Variants in AOX1 observed in about 807,000 individuals in gnomAD.
AOX1 encodes aldehyde oxidase 1.
A neutral mutation model predicts 169.5 loss-of-function variants in AOX1; 153 were observed. The observed-to-expected ratio is 0.90, with a 90% CI of 0.79 to 1.03. AOX1 has a LOEUF of 1.03. Among genes scored for constraint, AOX1 ranks in the 50% least tolerant of loss-of-function variants. The pLI is 0.00. For missense variants in AOX1, 1,656 were observed against 1,663.9 expected (o/e 1.00, Z 0.08); for synonymous variants, 562 against 581.9 (o/e 0.97, Z 0.49).
chr2:200,666,536 C>T, intron 31 of AOX1, 151 bp from the exon 32 acceptor site: 1 of 462,234 alleles, frequency 2.2e-6, no homozygotes, highest in South Asian at 5.4e-5. Context: ...TAAACTTTGT[C>T]CTATAATAAA....
intron 21 of AOX1, among the ~76,000 whole-genome samples, chr2:200,636,708 A>G (rs17533238): frequency 0.12 from 18,607 of 152,268 alleles, 1,284 homozygotes; most frequent in Non-Finnish European, 0.16. Flanking sequence ...GTTGTTGGAC[A>G]TTATCCCATT....
intron 25 of AOX1, among the ~76,000 whole-genome samples, chr2:200,648,955 T>A (rs2035522468): frequency 1.3e-5 from 2 of 152,172 alleles, no homozygotes; most frequent in South Asian, 2.1e-4. Flanking sequence ...CCAACAGCCC[T>A]GAGTTTGTTT....
chr2:200,634,883 T>C lies in AOX1; in HGVS notation c.2314T>C (p.Tyr772His), dbSNP rs927124468. 2 of 1,613,964 alleles carry C rather than the reference T, an allele frequency of 1.2e-6. No homozygotes were observed. The highest frequency in any genetic ancestry group is 2.7e-5 in the African/African-American group (2 of 74,924). The change falls in exon 21 of 35, where the codon TAC becomes CAC. Residue 772 changes from tyrosine (Y) to histidine (H), a missense_variant. Physicochemically the swap from Tyr to His is moderately conservative, Grantham distance 83. Coordinates refer to ENST00000374700, the MANE Select transcript of AOX1 (RefSeq NM_001159.4). The stretch of plus-strand genomic sequence containing the variant: ...GGGAGAGGATCAAGAAATGGATGTC[T>C]ACGTGTCCACACAGTTTCCCAAATA... Reference protein sequence around the residue: ...PKGEDQEMDVYVSTQFPKYIQ... With the variant: ...PKGEDQEMDVHVSTQFPKYIQ...
chr2:200,656,068 C>G (rs897772273), intron 26 of AOX1, among the ~76,000 whole-genome samples: 12 of 152,180 alleles, frequency 7.9e-5, no homozygotes, highest in Admixed American at 2.6e-4. Flanking sequence ...TGACCCAGAC[C>G]ACACCCATGC....
chr2:200,679,662 C>CCCG (rs1174093809), downstream of AOX1, among the ~76,000 whole-genome samples: 1 of 152,096 alleles, frequency 6.6e-6, no homozygotes, highest in African/African-American at 2.4e-5. Flanking sequence ...TGACGCCCCC[C>CCCG]CCCGAGTCTG....
At chr2:200,608,041 A>G (rs2034551491) in intron 10 of AOX1, among the ~76,000 whole-genome samples, 2 of 151,902 alleles carry the variant, frequency 1.3e-5, no homozygotes, top group African/African-American at 4.8e-5. Flanking sequence ...CCTAGATGAC[A>G]GGTTGATAGG....
chr2:200,651,963 A>C (rs2035588778), intron 26 of AOX1, among the ~76,000 whole-genome samples: 1 of 152,186 alleles, frequency 6.6e-6, no homozygotes, highest in Non-Finnish European at 1.5e-5. Context: ...ATCCATGTAC[A>C]TACAGATAAG....
intron 1 of AOX1, among the ~76,000 whole-genome samples, chr2:200,591,393 G>A (rs2034169048): frequency 6.6e-6 from 1 of 152,212 alleles, no homozygotes. Flanking sequence ...GAACACTTGA[G>A]CAGGGTGGTG....
Position 200,621,200 on chromosome 2 carries a change from C to G in AOX1, c.1955C>G (p.Ser652Cys). ...MTAEHLSDVN[S>C]FCFFTEAEKF... ...GCAGAACATCTTAGTGACGTCAACT[C>G]CTTCTGCTTTTTTACTGAAGCTGAG... The change falls in exon 18 of 35, where the codon TCC becomes TGC. Residue 652 changes from serine (S) to cysteine (C), a missense_variant. By Grantham distance (112) the Ser-to-Cys change is moderately radical. Coordinates refer to ENST00000374700, the MANE Select transcript of AOX1 (RefSeq NM_001159.4). The G allele has an allele frequency of 6.2e-7, 1 of 1,614,074 alleles. No homozygotes were observed. The highest frequency in any genetic ancestry group is 8.5e-7 in the Non-Finnish European group (1 of 1,179,980).
chr2:200,641,963 GA>G (rs1199479504), intron 24 of AOX1, among the ~76,000 whole-genome samples: 1 of 152,022 alleles, frequency 6.6e-6, no homozygotes, highest in Non-Finnish European at 1.5e-5. Flanking sequence ...ACCACATGGT[GA>G]AATCCTGTTT....
chr2:200,668,495 C>T (rs536980342), intron 32 of AOX1, 120 bp from the exon 33 acceptor site: 3 of 852,006 alleles, frequency 3.5e-6, no homozygotes, highest in Admixed American at 5.5e-5. Context: ...TCCAAGACAC[C>T]CTGAAAATGC....
chr2:200,657,650 G>C (rs1409402759), intron 27 of AOX1, among the ~76,000 whole-genome samples: 4 of 151,994 alleles, frequency 2.6e-5, no homozygotes, highest in Non-Finnish European at 1.5e-5. Flanking sequence ...TGTATTACAG[G>C]CTCCGAACAA....
At chr2:200,611,880 T>C (rs1267296489) in intron 13 of AOX1, among the ~76,000 whole-genome samples, 1 of 151,972 alleles carries the variant, frequency 6.6e-6, no homozygotes, top group East Asian at 1.9e-4. Flanking sequence ...AATTTTTGCA[T>C]TTTTAGTAGA....
intron 19 of AOX1, 124 bp from the exon 20 acceptor site, chr2:200,627,229 T>G: frequency 1.5e-6 from 1 of 669,410 alleles, no homozygotes; most frequent in South Asian, 1.9e-5. Flanking sequence ...ATGGTGAAAG[T>G]GCACGGAACC....
At chr2:200,668,486 C>T (rs2035964933) in intron 32 of AOX1, 129 bp from the exon 33 acceptor site, 1 of 798,596 alleles carries the variant, frequency 1.3e-6, no homozygotes, top group South Asian at 1.9e-5. Flanking sequence ...GCAACATGCT[C>T]CAAGACACCC....
chr2:200,674,693 C>T (rs1254829986), downstream of AOX1, among the ~76,000 whole-genome samples: 3 of 152,194 alleles, frequency 2.0e-5, no homozygotes, highest in Non-Finnish European at 4.4e-5. Flanking sequence ...TGGGCTTCCA[C>T]TTGCCATGTA....
intron 14 of AOX1, 144 bp from the exon 15 acceptor site, chr2:200,613,660 G>A (rs563412553): frequency 2.0e-5 from 14 of 717,806 alleles, no homozygotes; most frequent in Admixed American, 1.3e-4. Context: ...GAGAATGGTG[G>A]GCCAATTTGA....
intron 21 of AOX1, among the ~76,000 whole-genome samples, chr2:200,635,825 C>G (rs1484668390): frequency 2.0e-5 from 3 of 152,008 alleles, no homozygotes; most frequent in Admixed American, 2.0e-4. Context: ...TCATAAGGAG[C>G]CAGTGCTCTT....
intron 4 of AOX1, among the ~76,000 whole-genome samples, chr2:200,598,471 G>A (rs552132118): frequency 1.6e-4 from 24 of 152,118 alleles, no homozygotes; most frequent in Non-Finnish European, 2.8e-4. Flanking sequence ...TAGGCCAGGC[G>A]TGGTAGCTCA....
Sources: gnomAD v4.1 joint callset for allele counts (sites outside exome capture counted in the v4.1 genomes callset) on GRCh38, gnomAD v4.1.1 for gene constraint, MANE v1.5 for transcripts, NCBI Gene and HGNC (gene_info 2026-07-23, HGNC 2026-07-21) for gene names.